WDR7: variants seen among roughly 807,000 people sequenced by gnomAD.
WDR7 encodes the protein WD repeat-containing protein 7.
Under a neutral mutation model 169.4 loss-of-function variants are expected in WDR7, and 46 were observed. The ratio of observed to expected loss-of-function variants is 0.27; its 90% CI spans 0.21 to 0.35. WDR7 has a LOEUF of 0.35. Among genes scored for constraint, WDR7 ranks in the 10% least tolerant of loss-of-function variants. The probability of loss-of-function intolerance (pLI) is 1.00; values close to 1 mark genes in which losing one functional copy is unlikely to be tolerated. For missense variants in WDR7, 1,534 were observed against 1,859.3 expected (o/e 0.83, Z 3.22); for synonymous variants, 612 against 666.8 (o/e 0.92, Z 1.27).
intron 26 of WDR7, among the ~76,000 whole-genome samples, chr18:56,989,083 G>GAAA (rs35161458): frequency 2.2e-5 from 3 of 136,368 alleles, no homozygotes; most frequent in African/African-American, 7.9e-5. Flanking sequence ...ATGGTTTTTT[G>GAAA]AAAAAAAAAA....
chr18:56,768,311 C>T (rs1242342152), intron 16 of WDR7, among the ~76,000 whole-genome samples: 1 of 152,116 alleles, frequency 6.6e-6, no homozygotes, highest in Non-Finnish European at 1.5e-5. Context: ...ATTTGGAAAG[C>T]ATATATACTT....
At chr18:56,905,042 G>A (rs958335286) in intron 21 of WDR7, among the ~76,000 whole-genome samples, 2 of 152,194 alleles carry the variant, frequency 1.3e-5, no homozygotes, top group African/African-American at 2.4e-5. Flanking sequence ...TAGGACTTTG[G>A]TGAAGACAAT....
chr18:56,962,174 GT>G (rs113940080), intron 25 of WDR7, among the ~76,000 whole-genome samples: 3,201 of 152,008 alleles, frequency 0.021, 109 homozygotes, highest in African/African-American at 0.073. Context: ...GCTTGTGATT[GT>G]AAGTTGTTTC....
chr18:57,005,018 T>G (rs2048035783), intron 26 of WDR7, among the ~76,000 whole-genome samples: 1 of 152,214 alleles, frequency 6.6e-6, no homozygotes, highest in Non-Finnish European at 1.5e-5. Context: ...TCCTTTGTAA[T>G]TTAACCTTTG....
chr18:56,969,698 T>C (rs564480962), intron 26 of WDR7, among the ~76,000 whole-genome samples: 2 of 152,366 alleles, frequency 1.3e-5, no homozygotes, highest in South Asian at 4.1e-4. Context: ...AATGCTTCTA[T>C]TGAAATTAAT....
chr18:56,911,170 A>G (rs1599150439), intron 21 of WDR7, among the ~76,000 whole-genome samples: 1 of 152,142 alleles, frequency 6.6e-6, no homozygotes, highest in South Asian at 2.1e-4. Flanking sequence ...TGGGTTAGAT[A>G]ATGGACTCAA....
At chr18:56,882,503 A>G (rs1202135803) in intron 21 of WDR7, among the ~76,000 whole-genome samples, 1 of 152,240 alleles carries the variant, frequency 6.6e-6, no homozygotes, top group Non-Finnish European at 1.5e-5. Context: ...TCTTTCTAAT[A>G]TATTCAGTAG....
At chr18:56,667,571 A>G (rs1425317427) in intron 1 of WDR7, among the ~76,000 whole-genome samples, 2 of 152,194 alleles carry the variant, frequency 1.3e-5, no homozygotes, top group African/African-American at 4.8e-5. Context: ...GCATAGAGTA[A>G]TTTATCTTCC....
intron 21 of WDR7, among the ~76,000 whole-genome samples, chr18:56,922,263 T>C (rs1169572727): frequency 2.0e-5 from 3 of 152,180 alleles, no homozygotes; most frequent in African/African-American, 7.2e-5. Flanking sequence ...ATGTAAATAA[T>C]GTGTGCACTG....
intron 26 of WDR7, among the ~76,000 whole-genome samples, chr18:57,000,109 C>G (rs1226183943): frequency 5.3e-5 from 8 of 152,154 alleles, no homozygotes; most frequent in Non-Finnish European, 1.0e-4. Context: ...AGAATAAGAG[C>G]TCTAGTATGG....
intron 20 of WDR7, among the ~76,000 whole-genome samples, chr18:56,839,449 C>A (rs1599089940): frequency 1.3e-5 from 2 of 152,172 alleles, no homozygotes; most frequent in African/African-American, 4.8e-5. Flanking sequence ...TAAGACTCAA[C>A]TTATATGATT....
chr18:56,757,610 C>G (rs1438754776), intron 15 of WDR7, among the ~76,000 whole-genome samples: 2 of 152,082 alleles, frequency 1.3e-5, no homozygotes, highest in African/African-American at 2.4e-5. Flanking sequence ...GTCATATAGA[C>G]TAGCTCTTGT....
intron 20 of WDR7, among the ~76,000 whole-genome samples, chr18:56,838,383 C>T (rs1464212294): frequency 6.6e-6 from 1 of 152,112 alleles, no homozygotes; most frequent in Non-Finnish European, 1.5e-5. Flanking sequence ...ATCTCCTGCC[C>T]TTGAATAATG....
chr18:56,964,962 GA>G (rs2047387417), intron 26 of WDR7, among the ~76,000 whole-genome samples: 1 of 151,872 alleles, frequency 6.6e-6, no homozygotes, highest in South Asian at 2.1e-4. Context: ...ATAATATTTG[GA>G]AAAAAATGAG....
intron 21 of WDR7, among the ~76,000 whole-genome samples, chr18:56,896,552 AT>A (rs1342680329): frequency 6.6e-6 from 1 of 151,898 alleles, no homozygotes; most frequent in African/African-American, 2.4e-5. Flanking sequence ...TAGGAATTTG[AT>A]TTTATATAGA....
At chr18:56,790,838 C>T (rs2044472712) in intron 19 of WDR7, among the ~76,000 whole-genome samples, 1 of 152,084 alleles carries the variant, frequency 6.6e-6, no homozygotes, top group Non-Finnish European at 1.5e-5. Context: ...TTTAGCACCT[C>T]TAGTACACAA....
chr18:56,982,649 A>T (rs2047663289), intron 26 of WDR7, among the ~76,000 whole-genome samples: 1 of 152,196 alleles, frequency 6.6e-6, no homozygotes, highest in South Asian at 2.1e-4. Flanking sequence ...AATCACCTGG[A>T]TTGATCATGT....
At chr18:56,892,354 A>G (rs952286167) in intron 21 of WDR7, among the ~76,000 whole-genome samples, 2 of 152,082 alleles carry the variant, frequency 1.3e-5, no homozygotes, top group African/African-American at 2.4e-5. Flanking sequence ...TAGCTATGCT[A>G]TGTGCTTGAA....
chr18:56,909,311 A>G lies in WDR7; in HGVS notation c.3527-14611A>G, dbSNP rs2046522527. 3.3e-5 allele frequency among the ~76,000 whole-genome samples: 5 copies of G among 152,092 alleles called. 1 individual carries two copies. Among genetic ancestry groups the G allele is most frequent in the Admixed American group, 6.6e-5 (1 of 15,252 alleles). On this transcript the variant is annotated intron_variant, in intron 21 of 27. Coordinates refer to ENST00000254442, the MANE Select transcript of WDR7 (RefSeq NM_015285.3). ...GGCAAGATGTGGAGTGAGGGAATAT[A>G]TCTGGATTGTCTGGAGGACTTTTAA... is the stretch of plus-strand genomic sequence containing the variant.
Sources: gnomAD v4.1 joint callset for allele counts (sites outside exome capture counted in the v4.1 genomes callset) on GRCh38, gnomAD v4.1.1 for gene constraint, MANE v1.5 for transcripts, NCBI Gene and HGNC (gene_info 2026-07-23, HGNC 2026-07-21) for gene names.